SYT10: variants seen among roughly 807,000 people sequenced by gnomAD.
SYT10 encodes the protein synaptotagmin 10.
In SYT10, 31 loss-of-function variants were observed where a neutral mutation model predicts 51.1. The ratio of observed to expected loss-of-function variants is 0.61; its 90% CI spans 0.46 to 0.82. The LOEUF (loss-of-function observed/expected upper bound fraction) is 0.82. SYT10 is among the 40% of genes least tolerant of loss of function. The pLI, the probability that SYT10 is intolerant of heterozygous loss-of-function variation, is 0.00. For missense variants in SYT10, 603 were observed against 634.0 expected (o/e 0.95, Z 0.53); for synonymous variants, 233 against 225.9 (o/e 1.03, Z -0.28).
At chr12:33,396,814 G>T (rs1199828744) in intron 3 of SYT10, among the ~76,000 whole-genome samples, 3 of 151,874 alleles carry the variant, frequency 2.0e-5, no homozygotes, top group Non-Finnish European at 4.4e-5. Context: ...CCAAATAGCT[G>T]GGACTAGTAG....
chr12:33,428,823 G>A (rs571729378), intron 1 of SYT10, among the ~76,000 whole-genome samples: 1 of 151,784 alleles, frequency 6.6e-6, no homozygotes, highest in South Asian at 2.1e-4. Flanking sequence ...GGAGAATGGC[G>A]TGAGCCCGGG....
intron 1 of SYT10, among the ~76,000 whole-genome samples, 186 bp downstream of exon 1, chr12:33,439,186 A>G (rs2138446592): frequency 6.6e-6 from 1 of 152,358 alleles, no homozygotes; most frequent in East Asian, 1.9e-4. Context: ...ACAGGAGGAA[A>G]CAAAACCCAA....
chr12:33,413,772 C>T (rs1866428751), intron 2 of SYT10, among the ~76,000 whole-genome samples: 1 of 152,180 alleles, frequency 6.6e-6, no homozygotes, highest in South Asian at 2.1e-4. Context: ...GAAACTGCAT[C>T]AACTAACGAG....
rs2138380787 is a variant in SYT10, at chr12:33,379,851, T to G, written c.1481A>C (p.His494Pro). 6.2e-7 allele frequency: 1 copy of G among 1,613,778 alleles called. No homozygotes were observed. The highest frequency in any genetic ancestry group is 8.5e-7 in the Non-Finnish European group (1 of 1,179,886). The change falls in exon 6 of 7, where the codon CAC becomes CCC. Residue 494 changes from histidine to proline, a missense_variant. Physicochemically the swap from His to Pro is moderately conservative, Grantham distance 77 (BLOSUM62 -2). Transcript: ENST00000228567. ...MLAYHRKPIT[H>P]WHPLLELPGR... The stretch of plus-strand genomic sequence containing the variant: ...GCTTACCTCCAGCAATGGGTGCCAG[T>G]GCGTTATTGGTTTTCGATGATAGGC...
At chr12:33,427,230 G>A (rs1414524980) in intron 1 of SYT10, among the ~76,000 whole-genome samples, 1 of 152,106 alleles carries the variant, frequency 6.6e-6, no homozygotes, top group East Asian at 1.9e-4. Flanking sequence ...AGTAGGATTA[G>A]TGTTCTTATA....
intron 2 of SYT10, among the ~76,000 whole-genome samples, chr12:33,425,179 C>T (rs529250739): frequency 2.5e-4 from 38 of 152,094 alleles, no homozygotes; most frequent in South Asian, 1.0e-3. Context: ...AACATGGATG[C>T]GTCTTCGGTT....
chr12:33,389,495 TTCTTTA>T, intron 3 of SYT10, among the ~76,000 whole-genome samples: 1 of 152,206 alleles, frequency 6.6e-6, no homozygotes, highest in East Asian at 1.9e-4. Context: ...GAAAAAAAAT[TTCTTTA>T]TCTTGAGTAG....
rs753589651 is a variant in SYT10, at chr12:33,439,365, C to T, written c.151+7G>A. 6.2e-7 allele frequency: 1 copy of T among 1,610,792 alleles called. No homozygotes were observed. The highest frequency in any genetic ancestry group is 1.1e-5 in the South Asian group (1 of 90,672). On this transcript the variant is annotated splice_region_variant and intron_variant, in intron 1 of 6. Coordinates refer to ENST00000228567, the MANE Select transcript of SYT10 (RefSeq NM_198992.4). The stretch of plus-strand genomic sequence containing the variant: ...CGCGAGGACGCGAGCGGAGCCCTCC[C>T]GGTTACCTGTGCTGCTTCCGCCCTG...
intron 6 of SYT10, 125 bp from the exon 7 acceptor site, chr12:33,377,026 A>G (rs750749346): frequency 1.7e-4 from 172 of 987,142 alleles, no homozygotes; most frequent in Non-Finnish European, 2.5e-4. Context: ...AAGGAAATAC[A>G]TAACTCCCTT....
chr12:33,425,181 T>G (rs559054400), intron 2 of SYT10, among the ~76,000 whole-genome samples: 1 of 152,254 alleles, frequency 6.6e-6, no homozygotes, highest in South Asian at 2.1e-4. Flanking sequence ...CATGGATGCG[T>G]CTTCGGTTTA....
At chr12:33,403,372 C>T (rs1180373495) in intron 3 of SYT10, among the ~76,000 whole-genome samples, 1 of 151,830 alleles carries the variant, frequency 6.6e-6, no homozygotes, top group African/African-American at 2.4e-5. Context: ...GCTGGGACTA[C>T]AGCTGCTTGC....
At chr12:33,405,750 G>A (rs1866346904) in intron 3 of SYT10, 1 of 151,076 alleles carries the variant, frequency 6.6e-6, no homozygotes, top group Non-Finnish European at 1.5e-5. Context: ...ACAACCTGAT[G>A]GTAAAAAATT....
At chr12:33,420,254 A>G (rs1376256845) in intron 2 of SYT10, among the ~76,000 whole-genome samples, 1 of 152,202 alleles carries the variant, frequency 6.6e-6, no homozygotes, top group African/African-American at 2.4e-5. Context: ...GGCAGAGAGT[A>G]TTATTCATCT....
intron 3 of SYT10, among the ~76,000 whole-genome samples, chr12:33,399,985 C>A (rs1866288104): frequency 1.3e-5 from 2 of 152,126 alleles, no homozygotes; most frequent in Admixed American, 1.3e-4. Flanking sequence ...GATGTGGGTT[C>A]ATTGTCCCAA....
intron 5 of SYT10, among the ~76,000 whole-genome samples, chr12:33,381,553 G>A (rs1866115590): frequency 6.6e-6 from 1 of 152,100 alleles, no homozygotes; most frequent in Non-Finnish European, 1.5e-5. Flanking sequence ...AACCATTGAT[G>A]GGACAAGAGT....
chr12:33,426,304 C>CT lies in SYT10; in HGVS notation c.342dup (p.Glu115ArgfsTer3), dbSNP rs751590814. 2 of 1,613,758 alleles carry CT rather than the reference C, an allele frequency of 1.2e-6. No individual in the cohort carries two copies. Among genetic ancestry groups the CT allele is most frequent in the Non-Finnish European group, 1.7e-6 (2 of 1,179,984 alleles). Reference sequence around the variant, plus strand: ...GCTGGCTTTTCATTTTCCTTAATTTCTTTTTTCTCTTCAGTCTCAAAAACT... The same window carrying CT: ...GCTGGCTTTTCATTTTCCTTAATTTCTTTTTTTCTCTTCAGTCTCAAAAACT... On this transcript the variant is annotated frameshift_variant, in exon 2 of 7. Transcript: ENST00000228567. LOFTEE classifies it high-confidence loss of function.
At chr12:33,439,190 A>G (rs1375210673) in intron 1 of SYT10, among the ~76,000 whole-genome samples, 182 bp downstream of exon 1, 1 of 152,256 alleles carries the variant, frequency 6.6e-6, no homozygotes, top group Non-Finnish European at 1.5e-5. Flanking sequence ...GAGGAAACAA[A>G]ACCCAAACGC....
In SYT10 at chr12:33,375,865, GTGT is replaced by G. The variant is rs1866057841; in HGVS notation, c.*962_*964del. Reference sequence around the variant, plus strand: ...ATCTAAACGGTGATGAACACAGACAGTGTTGTTGTTCCTTTGGTGTCTGTTAGT... The same window carrying G: ...ATCTAAACGGTGATGAACACAGACAGTGTTGTTCCTTTGGTGTCTGTTAGT... On this transcript the variant is annotated 3_prime_UTR_variant, in exon 7 of 7. Transcript: ENST00000228567. 1 of 152,512 alleles carries G rather than the reference GTGT, an allele frequency of 6.6e-6. No individual in the cohort carries two copies. 9.4% of individuals were successfully genotyped at this position (152,512 alleles called of 1,614,324 possible). A position where few individuals can be genotyped will look rare whatever the true frequency, so the allele number is the denominator to read the frequency against.
At chr12:33,393,409 T>C (rs1170870801) in intron 3 of SYT10, among the ~76,000 whole-genome samples, 6 of 152,224 alleles carry the variant, frequency 3.9e-5, no homozygotes, top group Non-Finnish European at 7.3e-5. Flanking sequence ...TAATAAACTA[T>C]ATACAACTCT....
Sources: allele counts gnomAD v4.1 joint callset (sites outside exome capture counted in the v4.1 genomes callset), GRCh38; gene constraint gnomAD v4.1.1; transcripts MANE v1.5; gene names NCBI Gene and HGNC (gene_info 2026-07-23, HGNC 2026-07-21).